The following CASD1 variants were observed in gnomAD, a reference collection of about 807,000 sequenced individuals.
The protein encoded by CASD1 is CAS1 domain sialic acid O acetyltransferase 1.
A neutral mutation model predicts 100.0 loss-of-function variants in CASD1; 41 were observed. The ratio of observed to expected loss-of-function variants is 0.41; its 90% CI spans 0.32 to 0.53. The LOEUF is 0.53. Among genes scored for constraint, CASD1 ranks in the 20% least tolerant of loss-of-function variants. The probability of loss-of-function intolerance (pLI) is 0.25; values close to 1 mark genes in which losing one functional copy is unlikely to be tolerated. For synonymous variants in CASD1, 321 were observed against 315.6 expected, an observed-to-expected ratio of 1.02 and a Z score of -0.18; for missense variants, 774 against 948.7, an observed-to-expected ratio of 0.82 and a Z score of 2.42.
the CASD1 span, among the ~76,000 whole-genome samples, chr7:94,576,003 T>A: frequency 6.6e-6 from 1 of 152,312 alleles, no homozygotes; most frequent in Non-Finnish European, 1.5e-5. Context: ...AGCTCTTGAA[T>A]GCGTAATGTT....
At chr7:94,535,562 AAT>A (rs1225610382) in intron 8 of CASD1, 39 bp downstream of exon 8, 3 of 1,396,548 alleles carry the variant, frequency 2.1e-6, no homozygotes, top group South Asian at 2.3e-5. Context: ...TGGAGACTAT[AAT>A]ATCAATTGCT....
In CASD1 at chr7:94,511,489, T is replaced by C. The variant is rs114682899; in HGVS notation, c.133+1272T>C. Among the ~76,000 whole-genome samples, 455 of 152,334 alleles carry C rather than the reference T, an allele frequency of 3.0e-3. 3 individuals carry two copies. The highest frequency in any genetic ancestry group is 0.01 in the African/African-American group (424 of 41,580). ...AATTGATTTTAAAAATTAGATTCTTTATAACCTTTTGGCCTCTCTCCAGCT... is the reference window on the plus strand; with the variant it reads ...AATTGATTTTAAAAATTAGATTCTTCATAACCTTTTGGCCTCTCTCCAGCT... On this transcript the variant is annotated intron_variant, in intron 1 of 17. Transcript: ENST00000297273.
chr7:94,571,837 A>G, the CASD1 span, among the ~76,000 whole-genome samples: 3 of 150,692 alleles, frequency 2.0e-5, no homozygotes, highest in African/African-American at 7.4e-5. Context: ...AAGATGGTCA[A>G]GTGTATGACT....
the CASD1 span, among the ~76,000 whole-genome samples, chr7:94,596,118 A>G: frequency 2.0e-5 from 3 of 152,122 alleles, no homozygotes; most frequent in African/African-American, 7.2e-5. Flanking sequence ...AGTTCAATAT[A>G]ATAGCCTATT....
chr7:94,580,884 G>A, the CASD1 span, among the ~76,000 whole-genome samples: 4 of 152,172 alleles, frequency 2.6e-5, no homozygotes, highest in African/African-American at 7.2e-5. Context: ...CAGCCAAGGT[G>A]TTGCAAAGGA....
the CASD1 span, among the ~76,000 whole-genome samples, chr7:94,566,374 A>G: frequency 6.6e-6 from 1 of 152,170 alleles, no homozygotes; most frequent in African/African-American, 2.4e-5. Context: ...TAAACAAAAG[A>G]AAGCAAAATG....
downstream of CASD1, among the ~76,000 whole-genome samples, chr7:94,559,788 A>T (rs1796311894): frequency 6.6e-6 from 1 of 152,158 alleles, no homozygotes; most frequent in Non-Finnish European, 1.5e-5. Flanking sequence ...GGTCTCCCAA[A>T]GTGCTAGGAT....
chr7:94,541,537 G>GTTTTTTTTTTT (rs56786123), intron 10 of CASD1, among the ~76,000 whole-genome samples: 2 of 60,116 alleles, frequency 3.3e-5, no homozygotes, highest in Non-Finnish European at 5.7e-5. Flanking sequence ...TGTTCCACTG[G>GTTTTTTTTTTT]TTTTTTTTTT....
chr7:94,601,771 T>C, the CASD1 span, among the ~76,000 whole-genome samples: 39 of 152,258 alleles, frequency 2.6e-4, no homozygotes, highest in East Asian at 6.9e-3. Context: ...GAGAACTAAA[T>C]ATGAATTTCA....
chr7:94,613,303 C>T, the CASD1 span, among the ~76,000 whole-genome samples: 1 of 152,146 alleles, frequency 6.6e-6, no homozygotes, highest in African/African-American at 2.4e-5. Flanking sequence ...GCTACACATG[C>T]TAAAATTATG....
chr7:94,533,735 C>T lies in CASD1; in HGVS notation c.561C>T (p.Asn187=), dbSNP rs1794970791. ...SSEALSQYKM[N]ITSIAPLLEK... The stretch of plus-strand genomic sequence containing the variant: ...AAGCGCTTTCTCAATATAAAATGAA[C>T]ATCACCTCCATAGCACCACTTTTAG... Residue 187 remains asparagine, a synonymous_variant, in exon 7 of 18, where the codon AAC becomes AAT. Coordinates refer to ENST00000297273, the MANE Select transcript of CASD1 (RefSeq NM_022900.5). The T allele has an allele frequency of 1.2e-6, 2 of 1,606,024 alleles. No individual in the cohort carries two copies. The highest frequency in any genetic ancestry group is 1.7e-6 in the Non-Finnish European group (2 of 1,176,016).
intron 16 of CASD1, among the ~76,000 whole-genome samples, chr7:94,552,819 C>T (rs1796013808): frequency 6.6e-6 from 1 of 152,076 alleles, no homozygotes; most frequent in Non-Finnish European, 1.5e-5. Context: ...CACCTGTAAT[C>T]CCAGCTACTT....
the CASD1 span, among the ~76,000 whole-genome samples, chr7:94,577,663 A>G: frequency 6.6e-6 from 1 of 152,196 alleles, no homozygotes; most frequent in South Asian, 2.1e-4. Flanking sequence ...CTCTATGGAA[A>G]TCTCATTCCC....
At chr7:94,600,941 C>A in the CASD1 span, 2 of 1,138,404 alleles carry the variant, frequency 1.8e-6, no homozygotes, top group Non-Finnish European at 2.6e-6. Context: ...CTAAAGCATT[C>A]TTTGACAAAT....
At chr7:94,578,117 G>A in the CASD1 span, among the ~76,000 whole-genome samples, 1 of 152,128 alleles carries the variant, frequency 6.6e-6, no homozygotes, top group African/African-American at 2.4e-5. Flanking sequence ...GTGTAGCAAA[G>A]TTTGGTTAAC....
the CASD1 span, chr7:94,628,500 G>T: frequency 1.6e-6 from 1 of 625,530 alleles, no homozygotes; most frequent in Non-Finnish European, 2.7e-6. Context: ...AACCCATCTG[G>T]GAATTTAAAT....
In CASD1 at chr7:94,537,497, A is replaced by G; in HGVS notation, c.869A>G (p.Tyr290Cys). The G allele has an allele frequency of 3.1e-6, 5 of 1,610,274 alleles. No individual in the cohort carries two copies. The South Asian group carries it at 5.5e-5, about 18-fold the overall frequency. ...ETTAMILMNV[Y>C]CNKILKPVDG... ...ACTGCAATGATTCTTATGAATGTGT[A>G]TTGCAATAAGATTTTGAAGCCTGTA... The change falls in exon 9 of 18, where the codon TAT becomes TGT. Residue 290 changes from tyrosine to cysteine, a missense_variant. By Grantham distance (194) the Tyr-to-Cys change is radical. This residue lies in a region of CASD1 where 453 missense variants were observed against 532.6 expected (regional missense o/e 0.85). Transcript: ENST00000297273.
chr7:94,586,061 G>GAAAAAAAAAAAAAAAAAAA, the CASD1 span, among the ~76,000 whole-genome samples: 16 of 28,904 alleles, frequency 5.5e-4, no homozygotes, highest in East Asian at 1.3e-3. Context: ...GGAACTAAAT[G>GAAAAAAAAAAAAAAAAAAA]AAAAAAAAAA....
chr7:94,535,251 C>T (rs776702521), intron 7 of CASD1, 58 bp from the exon 8 acceptor site: 4 of 1,322,944 alleles, frequency 3.0e-6, no homozygotes, highest in Non-Finnish European at 4.3e-6. Flanking sequence ...TGCATGATCA[C>T]AATTTTTACC....
Sources: allele counts gnomAD v4.1 joint callset (sites outside exome capture counted in the v4.1 genomes callset), GRCh38; gene constraint gnomAD v4.1.1; regional missense constraint gnomAD v4.1.1; transcripts MANE v1.5; gene names NCBI Gene and HGNC (gene_info 2026-07-23, HGNC 2026-07-21).